Variants in UBQLN1 observed in about 807,000 individuals in gnomAD.
UBQLN1 encodes the protein ubiquilin 1.
UBQLN1 carries 13 observed loss-of-function variants against 65.4 expected under a neutral mutation model. The observed-to-expected ratio is 0.20, with a 90% CI of 0.13 to 0.32. The LOEUF is 0.32. UBQLN1 is among the 10% of genes least tolerant of loss of function. UBQLN1 has a pLI of 1.00. For synonymous variants in UBQLN1, 267 were observed against 247.8 expected (o/e 1.08, Z -0.73); for missense variants, 561 against 724.0 (o/e 0.77, Z 2.58).
chr9:83,667,902 C>G, intron 7 of UBQLN1: 14 of 976,838 alleles, frequency 1.4e-5, no homozygotes, highest in Non-Finnish European at 1.7e-5. Flanking sequence ...CAATCTAGTA[C>G]TAGCAACATT....
At chr9:83,697,909 T>C (rs983978573) in intron 1 of UBQLN1, among the ~76,000 whole-genome samples, 2 of 152,030 alleles carry the variant, frequency 1.3e-5, no homozygotes, top group African/African-American at 4.8e-5. Context: ...GCAAATCTTG[T>C]ATCTTTAGTA....
At chr9:83,699,673 AT>A (rs1282628666) in intron 1 of UBQLN1, among the ~76,000 whole-genome samples, 1 of 152,210 alleles carries the variant, frequency 6.6e-6, no homozygotes, top group Non-Finnish European at 1.5e-5. Flanking sequence ...AAAATAAGTC[AT>A]GGTAAAAATT....
rs559447667 is a variant in UBQLN1 at position 83,678,597 on chromosome 9, C to T, written c.714G>A (p.Thr238=). Residue 238 remains threonine (T), a splice_region_variant and synonymous_variant, in exon 5 of 11, where the codon ACG becomes ACA. Transcript: ENST00000376395. The stretch of plus-strand genomic sequence containing the variant: ...TTGCTGGATTCCTGGCAAGTTCCAA[C>T]GTCTACGAAAAATATTTCCAAAAAA... ...MLNNPDIMRQ[T]LELARNPAMM... The T allele has an allele frequency of 1.3e-5, 21 of 1,586,908 alleles. No homozygotes were observed. Among genetic ancestry groups the T allele is most frequent in the African/African-American group, 2.8e-5 (2 of 72,492 alleles).
chr9:83,707,584 C>A lies in UBQLN1; in HGVS notation c.96G>T (p.Ala32=). 1 of 1,607,014 alleles carries A rather than the reference C, an allele frequency of 6.2e-7. No homozygotes were observed. The highest frequency in any genetic ancestry group is 2.3e-5 in the East Asian group (1 of 44,158). Residue 32 remains alanine (A), a synonymous_variant, in exon 1 of 11, where the codon GCG becomes GCT. Coordinates refer to ENST00000376395, the MANE Select transcript of UBQLN1 (RefSeq NM_013438.5). ...GAGAPAAAAS[A]EPKIMKVTVK... is the part of the protein sequence containing the mutation. ...CGGTGACTTTCATGATTTTGGGCTCCGCGGAGGCAGCGGCCGCGGGGGCGC... is the reference window on the plus strand; with the variant it reads ...CGGTGACTTTCATGATTTTGGGCTCAGCGGAGGCAGCGGCCGCGGGGGCGC...
At chr9:83,703,498 T>C (rs939844575) in intron 1 of UBQLN1, among the ~76,000 whole-genome samples, 2 of 152,126 alleles carry the variant, frequency 1.3e-5, no homozygotes, top group Non-Finnish European at 2.9e-5. Flanking sequence ...AGATATCTCA[T>C]TATGTATATA....
At chr9:83,695,518 C>T (rs768190141) in intron 1 of UBQLN1, among the ~76,000 whole-genome samples, 1 of 152,132 alleles carries the variant, frequency 6.6e-6, no homozygotes, top group African/African-American at 2.4e-5. Context: ...TACTTTTCAA[C>T]ATCATTTGAA....
chr9:83,670,540 G>A (rs941137120), intron 6 of UBQLN1, among the ~76,000 whole-genome samples: 2 of 151,470 alleles, frequency 1.3e-5, no homozygotes, highest in Admixed American at 6.6e-5. Flanking sequence ...CACAGCCTTC[G>A]GTCTAAAAAA....
At chr9:83,681,571 G>A (rs981790399) in intron 3 of UBQLN1, among the ~76,000 whole-genome samples, 4 of 152,172 alleles carry the variant, frequency 2.6e-5, no homozygotes, top group African/African-American at 9.7e-5. Flanking sequence ...ACGTGAAGAA[G>A]GTTAGGAGGG....
In UBQLN1 at chr9:83,707,868, C is replaced by T; in HGVS notation, c.-189G>A. 1 of 824,654 alleles carries T rather than the reference C, an allele frequency of 1.2e-6. No homozygotes were observed. Among genetic ancestry groups the T allele is most frequent in the Non-Finnish European group, 1.7e-6 (1 of 572,696 alleles). 51.1% of individuals were successfully genotyped at this position (824,654 alleles called of 1,614,324 possible). A position where few individuals can be genotyped will look rare whatever the true frequency, so the allele number is the denominator to read the frequency against. Reference sequence around the variant, plus strand: ...CCGGAGCTCGGTGCAGGCTCTGGCGCAGGCCCGGGTCAGGCGCTCGGCAGC... The same window carrying T: ...CCGGAGCTCGGTGCAGGCTCTGGCGTAGGCCCGGGTCAGGCGCTCGGCAGC... On this transcript the variant is annotated 5_prime_UTR_variant, in exon 1 of 11. Transcript: ENST00000376395.
At chr9:83,705,709 G>A (rs186166205) in intron 1 of UBQLN1, among the ~76,000 whole-genome samples, 12 of 152,254 alleles carry the variant, frequency 7.9e-5, no homozygotes, top group Admixed American at 7.8e-4. Context: ...CAGCCCAGGT[G>A]ACCTTCAACA....
At chr9:83,697,291 G>A (rs1392172748) in intron 1 of UBQLN1, among the ~76,000 whole-genome samples, 1 of 146,452 alleles carries the variant, frequency 6.8e-6, no homozygotes, top group African/African-American at 2.5e-5. Context: ...GGTGGCTCAC[G>A]CCTGTAATTC....
chr9:83,660,329 T>G lies in UBQLN1; in HGVS notation c.*1458A>C, dbSNP rs533749865. The G allele has an allele frequency of 6.5e-6, 1 of 152,766 alleles. No individual in the cohort carries two copies. Among genetic ancestry groups the G allele is most frequent in the East Asian group, 1.9e-4 (1 of 5,192 alleles). 9.5% of individuals were successfully genotyped at this position (152,766 alleles called of 1,614,324 possible). A position where few individuals can be genotyped will look rare whatever the true frequency, so the allele number is the denominator to read the frequency against. On this transcript the variant is annotated 3_prime_UTR_variant, in exon 11 of 11. Coordinates refer to ENST00000376395, the MANE Select transcript of UBQLN1 (RefSeq NM_013438.5). ...TTCATTTTAGGTTACTTTAACATTT[T>G]AATTTCCTGTAACTGTACATGAGAG...
intron 10 of UBQLN1, among the ~76,000 whole-genome samples, chr9:83,663,590 AC>A (rs1831596853): frequency 6.6e-6 from 1 of 152,188 alleles, no homozygotes; most frequent in Admixed American, 6.5e-5. Flanking sequence ...TCAAATAGGA[AC>A]AAAAAAAATG....
At chr9:83,685,209 A>G (rs1221094335) in intron 2 of UBQLN1, among the ~76,000 whole-genome samples, 1 of 152,210 alleles carries the variant, frequency 6.6e-6, no homozygotes, top group African/African-American at 2.4e-5. Context: ...ACAGCATAAA[A>G]ACTTACAGGA....
intron 7 of UBQLN1, 75 bp from the exon 8 acceptor site, chr9:83,666,508 TC>T (rs1450057177): frequency 6.9e-7 from 1 of 1,442,484 alleles, no homozygotes; most frequent in Non-Finnish European, 9.7e-7. Context: ...TATTCTATCT[TC>T]CCCCAAGTGC....
At chr9:83,706,997 C>T (rs1564175893) in intron 1 of UBQLN1, among the ~76,000 whole-genome samples, 1 of 152,066 alleles carries the variant, frequency 6.6e-6, no homozygotes. Context: ...AGTTAAAATG[C>T]AGAACTAAAT....
intron 1 of UBQLN1, among the ~76,000 whole-genome samples, chr9:83,701,162 T>C (rs928922875): frequency 1.3e-5 from 2 of 152,194 alleles, no homozygotes; most frequent in African/African-American, 4.8e-5. Flanking sequence ...TTGATATTTA[T>C]AATATTACAA....
At position 83,680,005 on chromosome 9, in the gene UBQLN1, A is replaced by G; in HGVS notation, c.481T>C (p.Leu161=). 3.1e-6 allele frequency: 5 copies of G among 1,614,140 alleles called. No individual in the cohort carries two copies. Among genetic ancestry groups the G allele is most frequent in the Non-Finnish European group, 4.2e-6 (5 of 1,179,984 alleles). The change falls in exon 4 of 11, where the codon TTG becomes CTG. Residue 161 remains leucine (L), a synonymous_variant. Transcript: ENST00000376395. The part of the protein sequence containing the change: ...GLGGLAGLSS[L]GLNTTNFSEL... ...GAGAAGTTGGTAGTATTCAAACCCA[A>G]GCTACTCAGACCTGCAAGTCCCCCA...
At chr9:83,699,485 C>G (rs1832275870) in intron 1 of UBQLN1, among the ~76,000 whole-genome samples, 1 of 152,066 alleles carries the variant, frequency 6.6e-6, no homozygotes, top group Non-Finnish European at 1.5e-5. Context: ...TGCCACCACA[C>G]CTAGCTAAAT....
Sources: gnomAD v4.1 joint callset for allele counts (sites outside exome capture counted in the v4.1 genomes callset) on GRCh38, gnomAD v4.1.1 for gene constraint, MANE v1.5 for transcripts, NCBI Gene and HGNC (gene_info 2026-07-23, HGNC 2026-07-21) for gene names.